The following WDR70 variants were observed in gnomAD, a reference collection of about 807,000 sequenced individuals.
WDR70 encodes WD repeat domain 70.
Under a neutral mutation model 88.6 loss-of-function variants are expected in WDR70, and 53 were observed. The ratio of observed to expected loss-of-function variants is 0.60; its 90% CI spans 0.48 to 0.75. WDR70 has a LOEUF of 0.75. Ranked by LOEUF, WDR70 falls within the 30% of genes least tolerant of loss-of-function variation. WDR70 has a pLI of 0.00. For missense variants in WDR70, 610 were observed against 823.2 expected, an observed-to-expected ratio of 0.74 and a Z score of 3.17; for synonymous variants, 280 against 270.0, an observed-to-expected ratio of 1.04 and a Z score of -0.36.
intron 7 of WDR70, among the ~76,000 whole-genome samples, chr5:37,467,311 A>C (rs1291910797): frequency 1.3e-5 from 2 of 151,988 alleles, no homozygotes; most frequent in Non-Finnish European, 2.9e-5. Flanking sequence ...AGTGTTGGCA[A>C]ATTATGTTTC....
chr5:37,388,146 GTCTC>G (rs545165158), intron 3 of WDR70, among the ~76,000 whole-genome samples: 7 of 151,854 alleles, frequency 4.6e-5, no homozygotes, highest in Non-Finnish European at 8.8e-5. Flanking sequence ...TTGAGACAGA[GTCTC>G]TCTCTGTCGC....
intron 5 of WDR70, among the ~76,000 whole-genome samples, chr5:37,410,728 A>G (rs1402264323): frequency 6.6e-6 from 1 of 152,218 alleles, no homozygotes; most frequent in East Asian, 1.9e-4. Flanking sequence ...GTTTTTATAA[A>G]TGAAAAGCTT....
At chr5:37,604,327 G>A (rs534485127) in intron 9 of WDR70, among the ~76,000 whole-genome samples, 3 of 152,308 alleles carry the variant, frequency 2.0e-5, no homozygotes, top group East Asian at 3.9e-4. Flanking sequence ...TAAGGATGTT[G>A]TTCCATAGTG....
intron 10 of WDR70, among the ~76,000 whole-genome samples, chr5:37,689,116 G>A (rs934559882): frequency 3.3e-5 from 5 of 152,220 alleles, no homozygotes; most frequent in Non-Finnish European, 5.9e-5. Context: ...ACTTCAAGGC[G>A]GCAGCCTGGC....
chr5:37,485,156 C>T (rs1410465615), intron 8 of WDR70, among the ~76,000 whole-genome samples: 1 of 152,090 alleles, frequency 6.6e-6, no homozygotes, highest in African/African-American at 2.4e-5. Flanking sequence ...TTACTCTTTT[C>T]CCCCATCTAG....
chr5:37,410,741 G>A (rs1170814306), intron 5 of WDR70, among the ~76,000 whole-genome samples: 1 of 152,124 alleles, frequency 6.6e-6, no homozygotes, highest in African/African-American at 2.4e-5. Context: ...AAAAGCTTGT[G>A]ACATTCAAAT....
chr5:37,446,617 G>A (rs1204738498), intron 7 of WDR70, among the ~76,000 whole-genome samples: 3 of 152,102 alleles, frequency 2.0e-5, no homozygotes, highest in Non-Finnish European at 2.9e-5. Context: ...ACAGAACAGA[G>A]CCCTCAGAAA....
intron 9 of WDR70, among the ~76,000 whole-genome samples, chr5:37,522,589 T>C (rs539298258): frequency 2.4e-4 from 36 of 151,918 alleles, no homozygotes; most frequent in African/African-American, 8.7e-4. Flanking sequence ...CATTTCCAAC[T>C]GAGGTACCAG....
At chr5:37,623,699 A>G (rs1311771226) in intron 10 of WDR70, among the ~76,000 whole-genome samples, 3 of 152,158 alleles carry the variant, frequency 2.0e-5, no homozygotes, top group African/African-American at 7.2e-5. Flanking sequence ...TATGATAAAA[A>G]TAGTACTTTG....
At chr5:37,697,620 T>G in intron 10 of WDR70, 35 bp from the exon 11 acceptor site, 1,755 of 1,486,660 alleles carry the variant, frequency 1.2e-3, no homozygotes, top group Non-Finnish European at 1.5e-3. Context: ...TGAATTGAGG[T>G]GAGATATTAA....
Position 37,634,592 on chromosome 5 carries a change from G to A in WDR70, c.1092+29354G>A, listed in dbSNP as rs962440526. ...AAGGAAGACAGATTGGAGGAAATAA[G>A]GCAATAGGCAGGAGGTCAGTTCAGA... On this transcript the variant is annotated intron_variant, in intron 10 of 17. Transcript: ENST00000265107. Among the ~76,000 whole-genome samples the A allele has an allele frequency of 2.6e-5, 4 of 152,280 alleles. No homozygotes were observed. The South Asian group carries it at 8.3e-4, about 32-fold the overall frequency.
At chr5:37,679,865 C>A (rs1746369623) in intron 10 of WDR70, among the ~76,000 whole-genome samples, 1 of 152,252 alleles carries the variant, frequency 6.6e-6, no homozygotes, top group South Asian at 2.1e-4. Flanking sequence ...GGCAGGCCTC[C>A]TTGAGCTGTG....
chr5:37,721,638 G>C, intron 14 of WDR70: 1 of 167,340 alleles, frequency 6.0e-6, no homozygotes, highest in Non-Finnish European at 1.3e-5. Context: ...TTGGATGTTT[G>C]GCAAGATTAT....
Position 37,621,886 on chromosome 5 carries a change from A to G in WDR70, c.1092+16648A>G, listed in dbSNP as rs973107923. Among the ~76,000 whole-genome samples, 10 of 152,114 alleles carry G rather than the reference A, an allele frequency of 6.6e-5. No homozygotes were observed. The East Asian group carries it at 9.6e-4, about 15-fold the overall frequency. ...GGTCTAACACTTAAGTCTTTAATCT[A>G]TCTTGAATTAATTTTTGTATAAGGT... On this transcript the variant is annotated intron_variant, in intron 10 of 17. Coordinates refer to ENST00000265107, the MANE Select transcript of WDR70 (RefSeq NM_018034.4).
At chr5:37,560,663 T>C (rs1215333756) in intron 9 of WDR70, among the ~76,000 whole-genome samples, 1 of 152,194 alleles carries the variant, frequency 6.6e-6, no homozygotes, top group Non-Finnish European at 1.5e-5. Flanking sequence ...TCAATAGTTC[T>C]TTATAAAAAA....
At chr5:37,608,234 G>A (rs1474889214) in intron 10 of WDR70, among the ~76,000 whole-genome samples, 1 of 151,918 alleles carries the variant, frequency 6.6e-6, no homozygotes, top group African/African-American at 2.4e-5. Context: ...TAGAGAGGGA[G>A]TTTCACCATA....
At chr5:37,727,630 C>G (rs1226046847) in intron 17 of WDR70, among the ~76,000 whole-genome samples, 3 of 152,194 alleles carry the variant, frequency 2.0e-5, no homozygotes, top group East Asian at 1.9e-4. Context: ...TGCTGGAGTA[C>G]AGTGGCATGA....
intron 13 of WDR70, among the ~76,000 whole-genome samples, chr5:37,707,562 G>A (rs1311579346): frequency 2.0e-5 from 3 of 152,022 alleles, no homozygotes; most frequent in African/African-American, 7.2e-5. Context: ...AGCCTCTGAA[G>A]CAACAGAAAA....
At chr5:37,554,749 G>A (rs1187642298) in intron 9 of WDR70, among the ~76,000 whole-genome samples, 1 of 151,736 alleles carries the variant, frequency 6.6e-6, no homozygotes, top group African/African-American at 2.4e-5. Flanking sequence ...AGGCTGGAGC[G>A]CAGTGGTTAT....
Sources: gnomAD v4.1 joint callset for allele counts (sites outside exome capture counted in the v4.1 genomes callset) on GRCh38, gnomAD v4.1.1 for gene constraint, MANE v1.5 for transcripts, NCBI Gene and HGNC (gene_info 2026-07-23, HGNC 2026-07-21) for gene names.